The following RASAL2 variants were observed in gnomAD, a reference collection of about 807,000 sequenced individuals.
The protein encoded by RASAL2 is ras GTPase-activating protein nGAP.
Under a neutral mutation model 128.9 loss-of-function variants are expected in RASAL2, and 58 were observed. That is an observed-to-expected ratio of 0.45 (90% CI 0.36 to 0.56). The LOEUF (loss-of-function observed/expected upper bound fraction) is 0.56. RASAL2 is among the 20% of genes least tolerant of loss of function. RASAL2 has a pLI of 0.00. For synonymous variants in RASAL2, 561 were observed against 580.8 expected, an observed-to-expected ratio of 0.97 and a Z score of 0.49; for missense variants, 1,360 against 1,601.6, an observed-to-expected ratio of 0.85 and a Z score of 2.57.
At chr1:178,235,241 G>A (rs1434980806) in intron 1 of RASAL2, among the ~76,000 whole-genome samples, 4 of 152,114 alleles carry the variant, frequency 2.6e-5, no homozygotes, top group African/African-American at 9.7e-5. Flanking sequence ...TCCTCTCAAT[G>A]GTTAGCATGT....
intron 9 of RASAL2, among the ~76,000 whole-genome samples, chr1:178,447,282 A>G (rs947277842): frequency 1.3e-5 from 2 of 151,988 alleles, no homozygotes; most frequent in African/African-American, 4.8e-5. Context: ...TGGTCACATC[A>G]CTGCACTCCA....
In RASAL2 at chr1:178,461,096, G is replaced by A. The variant is rs74854843; in HGVS notation, c.3252+2552G>A. 2.7e-3 allele frequency among the ~76,000 whole-genome samples: 413 copies of A among 152,244 alleles called. 4 individuals are homozygous for A. Among genetic ancestry groups the A allele is most frequent in the African/African-American group, 9.6e-3 (400 of 41,534 alleles). ...CCCAAAGTGCTTTGATTACAGGAGT[G>A]AGCCACCGTGCCTGGCCTAGTTTTT... On this transcript the variant is annotated intron_variant, in intron 14 of 17. Coordinates refer to ENST00000367649, the MANE Select transcript of RASAL2 (RefSeq NM_170692.4).
chr1:178,112,897 C>T (rs1659384164), intron 1 of RASAL2, among the ~76,000 whole-genome samples: 1 of 151,718 alleles, frequency 6.6e-6, no homozygotes, highest in African/African-American at 2.4e-5. Context: ...TACCCTAAAA[C>T]TTAAAGTATA....
chr1:178,140,645 T>A (rs1396199536), intron 1 of RASAL2, among the ~76,000 whole-genome samples: 2 of 152,222 alleles, frequency 1.3e-5, no homozygotes, highest in African/African-American at 4.8e-5. Context: ...TTTTGTGGCT[T>A]GATAGCTCAT....
chr1:178,107,823 G>A (rs1051541352), intron 1 of RASAL2, among the ~76,000 whole-genome samples: 5 of 152,062 alleles, frequency 3.3e-5, no homozygotes, highest in African/African-American at 1.2e-4. Context: ...ATATTCCATT[G>A]TATGTATAAA....
intron 3 of RASAL2, among the ~76,000 whole-genome samples, chr1:178,306,251 T>C (rs962774479): frequency 5.9e-5 from 9 of 152,234 alleles, no homozygotes; most frequent in African/African-American, 2.2e-4. Flanking sequence ...GGCTGCATAG[T>C]ATTCCATGGT....
At chr1:178,121,936 C>A (rs1659732462) in intron 1 of RASAL2, among the ~76,000 whole-genome samples, 1 of 152,084 alleles carries the variant, frequency 6.6e-6, no homozygotes, top group Non-Finnish European at 1.5e-5. Context: ...ACTGACATCA[C>A]CTCATTTTTG....
At chr1:178,440,314 T>C (rs1676547664) in intron 6 of RASAL2, among the ~76,000 whole-genome samples, 1 of 152,022 alleles carries the variant, frequency 6.6e-6, no homozygotes. Flanking sequence ...AAAAGATGTT[T>C]GTTTGGTTCC....
intron 3 of RASAL2, among the ~76,000 whole-genome samples, chr1:178,331,284 G>T (rs59314483): frequency 6.6e-6 from 1 of 152,148 alleles, no homozygotes; most frequent in Non-Finnish European, 1.5e-5. Flanking sequence ...AAATCCACCC[G>T]CCTCAGCCTC....
chr1:178,210,081 C>G (rs974884883), intron 1 of RASAL2, among the ~76,000 whole-genome samples: 1 of 152,020 alleles, frequency 6.6e-6, no homozygotes, highest in African/African-American at 2.4e-5. Flanking sequence ...CTTTACTCTT[C>G]TATTTTTATA....
intron 1 of RASAL2, among the ~76,000 whole-genome samples, chr1:178,199,490 A>C (rs1466125799): frequency 6.6e-6 from 1 of 152,232 alleles, no homozygotes; most frequent in East Asian, 1.9e-4. Context: ...TATATAAAAA[A>C]GTTCACAGGA....
At chr1:178,399,045 A>G (rs2048333) in intron 4 of RASAL2, among the ~76,000 whole-genome samples, 3,580 of 152,254 alleles carry the variant, frequency 0.024, 63 homozygotes, top group Middle Eastern at 0.058. Flanking sequence ...TTGGATTTGT[A>G]TTTTCTAAGT....
intron 1 of RASAL2, among the ~76,000 whole-genome samples, chr1:178,233,990 A>G (rs1283031998): frequency 3.9e-5 from 6 of 152,222 alleles, no homozygotes; most frequent in Non-Finnish European, 8.8e-5. Flanking sequence ...TCTCATTATA[A>G]AACAAATATA....
intron 1 of RASAL2, among the ~76,000 whole-genome samples, chr1:178,110,535 TATACTATATATACA>T (rs1179002494): frequency 6.8e-6 from 1 of 147,472 alleles, no homozygotes; most frequent in Non-Finnish European, 1.5e-5. Context: ...ATATGCTATA[TATACTATATATACA>T]GTGTATATAT....
At chr1:178,328,170 A>G (rs189346941) in intron 3 of RASAL2, among the ~76,000 whole-genome samples, 80 of 152,266 alleles carry the variant, frequency 5.3e-4, no homozygotes, top group African/African-American at 1.4e-3. Context: ...TATACAGACT[A>G]TCTCATCTCC....
chr1:178,450,149 C>CA (rs907271332), intron 9 of RASAL2, among the ~76,000 whole-genome samples: 9 of 152,050 alleles, frequency 5.9e-5, no homozygotes, highest in Admixed American at 2.6e-4. Context: ...TTTCACCTGA[C>CA]AAAAAATTAT....
chr1:178,451,471 A>T, intron 9 of RASAL2, 100 bp from the exon 10 acceptor site: 1 of 1,272,918 alleles, frequency 7.9e-7, no homozygotes, highest in Non-Finnish European at 1.1e-6. Flanking sequence ...CTAGAAAAGA[A>T]TTCCCCATTA....
At chr1:178,119,547 T>C (rs1041296771) in intron 1 of RASAL2, among the ~76,000 whole-genome samples, 2 of 152,202 alleles carry the variant, frequency 1.3e-5, no homozygotes, top group Middle Eastern at 3.2e-3. Context: ...ACCAGAAAGC[T>C]GTCCAGTCAT....
intron 3 of RASAL2, among the ~76,000 whole-genome samples, chr1:178,306,975 T>G (rs1038099968): frequency 1.3e-5 from 2 of 150,944 alleles, no homozygotes; most frequent in African/African-American, 4.9e-5. Flanking sequence ...GTAACTAACC[T>G]GCACAATGTG....
Sources: allele counts gnomAD v4.1 joint callset (sites outside exome capture counted in the v4.1 genomes callset), GRCh38; gene constraint gnomAD v4.1.1; transcripts MANE v1.5; gene names NCBI Gene and HGNC (gene_info 2026-07-23, HGNC 2026-07-21).